Variants in FHIT observed in about 807,000 individuals in gnomAD.
The protein encoded by FHIT is bis(5'-adenosyl)-triphosphatase.
A neutral mutation model predicts 17.9 loss-of-function variants in FHIT; 19 were observed. That is an observed-to-expected ratio of 1.06 (90% CI 0.74 to 1.56). The LOEUF is 1.56. Ranked by LOEUF, FHIT falls within the 40% of genes most tolerant of loss-of-function variation. FHIT has a pLI of 0.00. For missense variants in FHIT, 248 were observed against 189.2 expected (o/e 1.31, Z -1.82); for synonymous variants, 81 against 69.7 (o/e 1.16, Z -0.81).
chr3:59,929,524 C>T (rs1393103150), intron 7 of FHIT, among the ~76,000 whole-genome samples: 3 of 151,842 alleles, frequency 2.0e-5, no homozygotes, highest in Non-Finnish European at 4.4e-5. Flanking sequence ...GAGCACGCCA[C>T]TATGCCCGGC....
chr3:60,150,537 A>G (rs185487378), intron 5 of FHIT, among the ~76,000 whole-genome samples: 138 of 152,252 alleles, frequency 9.1e-4, no homozygotes, highest in African/African-American at 3.2e-3. Context: ...TCCAGGCTGG[A>G]CTTGCATTCT....
At chr3:61,089,955 G>C (rs1412962778) in intron 2 of FHIT, among the ~76,000 whole-genome samples, 1 of 152,188 alleles carries the variant, frequency 6.6e-6, no homozygotes, top group African/African-American at 2.4e-5. Context: ...CATCAGATAA[G>C]ATTGATCTGA....
intron 7 of FHIT, among the ~76,000 whole-genome samples, chr3:59,953,786 A>C (rs1429131393): frequency 7.9e-5 from 12 of 152,196 alleles, no homozygotes; most frequent in Non-Finnish European, 2.9e-5. Context: ...GGTCAAGCAC[A>C]CATGCCTCCT....
intron 2 of FHIT, among the ~76,000 whole-genome samples, chr3:61,073,607 C>A (rs2034877864): frequency 6.6e-6 from 1 of 152,154 alleles, no homozygotes; most frequent in Admixed American, 6.5e-5. Flanking sequence ...AATCACCCTA[C>A]CAGCACTGCA....
chr3:60,197,487 T>C (rs1174927806), intron 5 of FHIT, among the ~76,000 whole-genome samples: 1 of 152,194 alleles, frequency 6.6e-6, no homozygotes, highest in Non-Finnish European at 1.5e-5. Flanking sequence ...GCCAAAGCAG[T>C]TGTGAAGTGA....
At chr3:60,204,360 C>A (rs753861170) in intron 5 of FHIT, among the ~76,000 whole-genome samples, 4 of 152,126 alleles carry the variant, frequency 2.6e-5, no homozygotes, top group Non-Finnish European at 4.4e-5. Flanking sequence ...GCCTCCACCC[C>A]CTGGGCTCAA....
intron 3 of FHIT, among the ~76,000 whole-genome samples, chr3:60,829,988 A>G (rs1396275525): frequency 1.3e-5 from 2 of 152,160 alleles, no homozygotes; most frequent in African/African-American, 4.8e-5. Flanking sequence ...AGAGACTCTT[A>G]CCAATGGAGA....
chr3:59,936,270 AT>A lies in FHIT; in HGVS notation c.280-13857del, dbSNP rs983246052. On this transcript the variant is annotated intron_variant, in intron 7 of 9. Transcript: ENST00000492590. The stretch of plus-strand genomic sequence containing the variant: ...GTTAGACAAAATATGAAGAATATCT[AT>A]TTTTTTATTTATACATCATATCAGA... 3.3e-5 allele frequency among the ~76,000 whole-genome samples: 5 copies of A among 152,210 alleles called. No individual in the cohort carries two copies. In the East Asian group the frequency reaches 7.7e-4, roughly 24 times the overall value.
At chr3:61,097,604 C>T (rs764046825) in intron 2 of FHIT, among the ~76,000 whole-genome samples, 3 of 152,134 alleles carry the variant, frequency 2.0e-5, no homozygotes, top group Non-Finnish European at 4.4e-5. Flanking sequence ...CACACCCTGA[C>T]CAGCATCTGC....
intron 5 of FHIT, among the ~76,000 whole-genome samples, chr3:60,149,828 T>C (rs1377882469): frequency 7.4e-6 from 1 of 134,680 alleles, no homozygotes; most frequent in Non-Finnish European, 1.6e-5. Context: ...GATAGACACA[T>C]GACCTAATCC....
intron 1 of FHIT, among the ~76,000 whole-genome samples, chr3:61,239,482 T>C (rs1181842652): frequency 2.0e-5 from 3 of 152,070 alleles, no homozygotes; most frequent in Non-Finnish European, 4.4e-5. Flanking sequence ...TTTACTTAGG[T>C]CTCTGCTTAA....
intron 7 of FHIT, among the ~76,000 whole-genome samples, chr3:59,972,847 G>C (rs1708248574): frequency 6.6e-6 from 1 of 152,104 alleles, no homozygotes; most frequent in Non-Finnish European, 1.5e-5. Context: ...AAGCAAACCA[G>C]TATTTGCTGG....
intron 4 of FHIT, among the ~76,000 whole-genome samples, chr3:60,679,871 G>C (rs2040706267): frequency 6.6e-6 from 1 of 151,966 alleles, no homozygotes; most frequent in African/African-American, 2.4e-5. Context: ...GCATTCTTCT[G>C]AAACTCATTT....
chr3:59,820,597 A>C (rs1700753328), intron 8 of FHIT, among the ~76,000 whole-genome samples: 1 of 152,242 alleles, frequency 6.6e-6, no homozygotes, highest in South Asian at 2.1e-4. Flanking sequence ...TCGTTTGTTT[A>C]TATATTGTCT....
intron 2 of FHIT, among the ~76,000 whole-genome samples, chr3:61,166,229 C>A (rs979736724): frequency 2.0e-5 from 3 of 152,208 alleles, no homozygotes; most frequent in East Asian, 3.8e-4. Flanking sequence ...TCACAAACAA[C>A]CTGAGAGTAG....
intron 4 of FHIT, among the ~76,000 whole-genome samples, chr3:60,680,146 G>A (rs1049729076): frequency 1.8e-4 from 27 of 152,124 alleles, no homozygotes; most frequent in Non-Finnish European, 1.5e-5. Context: ...TTCCACAGTG[G>A]CTGTACCAGT....
chr3:60,303,944 C>A (rs1307136452), intron 5 of FHIT, among the ~76,000 whole-genome samples: 1 of 152,076 alleles, frequency 6.6e-6, no homozygotes, highest in Non-Finnish European at 1.5e-5. Flanking sequence ...ATTTAAGACA[C>A]CCACAACATC....
At chr3:61,026,348 T>C (rs78560906) in intron 3 of FHIT, among the ~76,000 whole-genome samples, 1,582 of 152,288 alleles carry the variant, frequency 0.01, 15 homozygotes, top group Non-Finnish European at 0.016. Context: ...CCTCCAATTC[T>C]CTCCGAGCCT....
intron 5 of FHIT, among the ~76,000 whole-genome samples, chr3:60,508,114 T>C (rs1260665250): frequency 6.6e-6 from 1 of 152,172 alleles, no homozygotes; most frequent in Non-Finnish European, 1.5e-5. Context: ...GCAGGGAATG[T>C]AGAGTGAAGA....
Sources: gnomAD v4.1 joint callset for allele counts (sites outside exome capture counted in the v4.1 genomes callset) on GRCh38, gnomAD v4.1.1 for gene constraint, MANE v1.5 for transcripts, NCBI Gene and HGNC (gene_info 2026-07-23, HGNC 2026-07-21) for gene names.